The following MXRA8 variants were observed in gnomAD, a reference collection of about 807,000 sequenced individuals.
MXRA8 encodes matrix remodeling associated 8, also known as matrix remodeling-associated protein 8.
MXRA8 carries 44 observed loss-of-function variants against 51.4 expected under a neutral mutation model. The ratio of observed to expected loss-of-function variants is 0.86; its 90% CI spans 0.67 to 1.10. MXRA8 has a LOEUF of 1.10. MXRA8 is among the 50% of genes least tolerant of loss of function. The pLI is 0.00. For synonymous variants in MXRA8, 369 were observed against 293.5 expected, an observed-to-expected ratio of 1.26 and a Z score of -2.63; for missense variants, 765 against 638.9, an observed-to-expected ratio of 1.20 and a Z score of -2.13.
chr1:1,356,067 C>G (rs1270820051), intron 2 of MXRA8, among the ~76,000 whole-genome samples: 14 of 98,230 alleles, frequency 1.4e-4, no homozygotes, highest in Non-Finnish European at 1.9e-4. Flanking sequence ...GGGGTGTGCC[C>G]CAAGGACTCT....
In MXRA8 at chr1:1,353,933, G is replaced by C; in HGVS notation, c.1223-5C>G. 6.2e-7 allele frequency: 1 copy of C among 1,609,278 alleles called. No homozygotes were observed. The highest frequency in any genetic ancestry group is 8.5e-7 in the Non-Finnish European group (1 of 1,178,082). On this transcript the variant is annotated splice_region_variant and splice_polypyrimidine_tract_variant and intron_variant, in intron 8 of 9. Transcript: ENST00000309212. ...TCAGGATGTTGTTTTTGTAATCTGT[G>C]GGAGGAGAGGAGGCTGAGGTCCCCG...
At chr1:1,358,677 A>C, upstream of MXRA8, 14 of 1,392,140 alleles carry the variant, frequency 1.0e-5, no homozygotes, top group East Asian at 8.7e-5. Context: ...GGCCTCCCCC[A>C]TCGTTGCTGG....
At chr1:1,353,998 G>T (rs753880393) in intron 8 of MXRA8, 32 bp downstream of exon 8, 5 of 1,610,892 alleles carry the variant, frequency 3.1e-6, no homozygotes, top group Non-Finnish European at 4.2e-6. Context: ...TGGGAGCCGC[G>T]CCTGTGCCCT....
At chr1:1,362,102 C>T (rs754650764), upstream of MXRA8, among the ~76,000 whole-genome samples, 15 of 152,200 alleles carry the variant, frequency 9.9e-5, no homozygotes, top group Admixed American at 1.3e-4. Context: ...CCAGCGTCCC[C>T]GGCAGCCATG....
At chr1:1,358,765 C>G (rs965371825), upstream of MXRA8, 3 of 1,255,264 alleles carry the variant, frequency 2.4e-6, no homozygotes, top group East Asian at 3.2e-5. Context: ...GTGACCGCAC[C>G]CTTGGAGGGA....
chr1:1,356,076 C>T (rs1364394476), intron 2 of MXRA8, among the ~76,000 whole-genome samples: 1 of 74,324 alleles, frequency 1.3e-5, no homozygotes, highest in Non-Finnish European at 2.5e-5. Context: ...CCCAAGGACT[C>T]TGGCGGGGTT....
chr1:1,355,362 A>G lies in MXRA8; in HGVS notation c.377-17T>C. The G allele has an allele frequency of 1.3e-6, 2 of 1,567,686 alleles. No homozygotes were observed. Among genetic ancestry groups the G allele is most frequent in the East Asian group, 2.5e-5 (1 of 39,662 alleles). ...CCTCCACCGCTGCGCACCCAGGAGG[A>G]AGCCGCGCGTGAGCCTTGCGGTGCC... On this transcript the variant is annotated splice_polypyrimidine_tract_variant and intron_variant, in intron 3 of 9. Coordinates refer to ENST00000309212, the MANE Select transcript of MXRA8 (RefSeq NM_032348.4).
At chr1:1,358,811 G>A (rs1644183191), upstream of MXRA8, 4 of 1,143,588 alleles carry the variant, frequency 3.5e-6, no homozygotes, top group Middle Eastern at 3.5e-4. Context: ...CTGATACCAC[G>A]TGATCGTGTC....
chr1:1,354,604 G>A, intron 5 of MXRA8, 78 bp downstream of exon 5: 1 of 1,550,870 alleles, frequency 6.4e-7, no homozygotes, highest in Non-Finnish European at 8.7e-7. Context: ...CGGGCCTCGG[G>A]CAAGGGACAG....
chr1:1,359,951 C>T (rs1213012878), upstream of MXRA8, among the ~76,000 whole-genome samples: 1 of 152,222 alleles, frequency 6.6e-6, no homozygotes, highest in Non-Finnish European at 1.5e-5. Flanking sequence ...CCGCCCATGT[C>T]TGTCTCCGTC....
rs747369875 is a variant in MXRA8, at chr1:1,354,049, C to G, written c.1203G>C (p.Arg401Ser). 1 of 1,612,850 alleles carries G rather than the reference C, an allele frequency of 6.2e-7. No homozygotes were observed. The highest frequency in any genetic ancestry group is 8.5e-7 in the Non-Finnish European group (1 of 1,180,004). Residue 401 changes from arginine (R) to serine (S), a missense_variant, in exon 8 of 10, where the codon AGG becomes AGC. Physicochemically the swap from Arg to Ser is moderately radical, Grantham distance 110 (BLOSUM62 -1). Coordinates refer to ENST00000309212, the MANE Select transcript of MXRA8 (RefSeq NM_032348.4). ...CCTCACCTAGCTGGATGTCCTCACT[C>G]CTGTAAAGCATCTGGTCCCCTGCAG... ...AVAAGDQMLY[R>S]SEDIQLDYKN...
upstream of MXRA8, among the ~76,000 whole-genome samples, chr1:1,361,974 A>C (rs1469984067): frequency 1.3e-5 from 2 of 152,264 alleles, no homozygotes; most frequent in Non-Finnish European, 1.5e-5. Context: ...TATGCTGACT[A>C]AATTTACAAG....
chr1:1,354,775 C>T lies in MXRA8; in HGVS notation c.856G>A (p.Val286Ile), dbSNP rs749765900. 10 of 1,611,778 alleles carry T rather than the reference C, an allele frequency of 6.2e-6. No homozygotes were observed. In the South Asian group the frequency reaches 6.6e-5, roughly 11 times the overall value. Residue 286 changes from valine to isoleucine, a missense_variant, in exon 5 of 10, where the codon GTC becomes ATC. Transcript: ENST00000309212. Reference sequence around the variant, plus strand: ...GGTTCGGCGACCGTCAGGTGGAAGACGCGGCGTTCGTGCAGGCCACAGTAA... The same window carrying T: ...GGTTCGGCGACCGTCAGGTGGAAGATGCGGCGTTCGTGCAGGCCACAGTAA... ...HHYCGLHERR[V>I]FHLTVAEPHA...
chr1:1,353,720 A>G, intron 9 of MXRA8, 91 bp from the exon 10 acceptor site: 1 of 1,476,412 alleles, frequency 6.8e-7, no homozygotes, highest in Non-Finnish European at 9.2e-7. Context: ...AGGACTCCCC[A>G]GGGATTTCTG....
At chr1:1,359,005 G>C (rs756274885), upstream of MXRA8, 2 of 985,460 alleles carry the variant, frequency 2.0e-6, no homozygotes, top group Non-Finnish European at 2.4e-6. Context: ...GGTGCACGCT[G>C]GTGCTCTCCT....
upstream of MXRA8, among the ~76,000 whole-genome samples, chr1:1,361,085 C>T (rs1404511244): frequency 6.6e-6 from 1 of 151,286 alleles, no homozygotes; most frequent in Non-Finnish European, 1.5e-5. Flanking sequence ...CAGACATGCG[C>T]ACACACGACA....
At chr1:1,361,113 G>T (rs1644217154), upstream of MXRA8, 1 of 693,614 alleles carries the variant, frequency 1.4e-6, no homozygotes. Context: ...AGACACGCAT[G>T]CATGCACATG....
chr1:1,362,506 A>G (rs1644233152), upstream of MXRA8, among the ~76,000 whole-genome samples: 2 of 151,804 alleles, frequency 1.3e-5, no homozygotes, highest in Non-Finnish European at 2.9e-5. Flanking sequence ...TCGGCCAGGC[A>G]AGATGGTTCA....
At chr1:1,356,310 G>A (rs1255197413) in intron 2 of MXRA8, among the ~76,000 whole-genome samples, 1 of 143,562 alleles carries the variant, frequency 7.0e-6, no homozygotes, top group Non-Finnish European at 1.5e-5. Context: ...GGGAGTCCAT[G>A]GGGGAGTGGT....
Sources: gnomAD v4.1 joint callset for allele counts (sites outside exome capture counted in the v4.1 genomes callset) on GRCh38, gnomAD v4.1.1 for gene constraint, MANE v1.5 for transcripts, NCBI Gene and HGNC (gene_info 2026-07-23, HGNC 2026-07-21) for gene names.